ATAD2B: variants seen among roughly 807,000 people sequenced by gnomAD.
The protein encoded by ATAD2B is ATPase family AAA domain containing 2B.
In ATAD2B, 40 loss-of-function variants were observed where a neutral mutation model predicts 167.6. The ratio of observed to expected loss-of-function variants is 0.24; its 90% CI spans 0.19 to 0.31. ATAD2B has a LOEUF of 0.31. Among genes scored for constraint, ATAD2B ranks in the 10% least tolerant of loss-of-function variants. The probability of loss-of-function intolerance (pLI) is 1.00; values close to 1 mark genes in which losing one functional copy is unlikely to be tolerated. For synonymous variants in ATAD2B, 579 were observed against 596.5 expected, an observed-to-expected ratio of 0.97 and a Z score of 0.43; for missense variants, 1,242 against 1,757.2, an observed-to-expected ratio of 0.71 and a Z score of 5.24.
chr2:23,833,326 G>C (rs912476853), intron 14 of ATAD2B, among the ~76,000 whole-genome samples: 5 of 151,832 alleles, frequency 3.3e-5, no homozygotes. Context: ...AGTTTCTAAT[G>C]AAAAGCCAGT....
intron 13 of ATAD2B, among the ~76,000 whole-genome samples, chr2:23,836,558 T>C (rs566846414): frequency 6.6e-6 from 1 of 152,286 alleles, no homozygotes; most frequent in Non-Finnish European, 1.5e-5. Flanking sequence ...GAACAAGATA[T>C]GCAGACAAGT....
the ATAD2B span, among the ~76,000 whole-genome samples, chr2:23,729,690 A>G: frequency 1.3e-5 from 2 of 152,192 alleles, no homozygotes; most frequent in African/African-American, 2.4e-5. Flanking sequence ...AGAGGGGGAA[A>G]AAAGTAAAAT....
chr2:23,819,678 A>C, intron 17 of ATAD2B, 69 bp downstream of exon 17: 1 of 1,218,398 alleles, frequency 8.2e-7, no homozygotes, highest in Non-Finnish European at 1.1e-6. Context: ...GTAAAAATAT[A>C]CCATAATTCT....
At chr2:23,804,674 GAAA>G (rs556263378) in intron 18 of ATAD2B, among the ~76,000 whole-genome samples, 1 of 126,168 alleles carries the variant, frequency 7.9e-6, no homozygotes, top group Non-Finnish European at 1.7e-5. Flanking sequence ...AAAAAATCAG[GAAA>G]AAAAAAAAAA....
chr2:23,788,764 TC>T (rs1197079603), intron 19 of ATAD2B, 117 bp from the exon 20 acceptor site: 2 of 874,372 alleles, frequency 2.3e-6, no homozygotes, highest in Admixed American at 2.8e-5. Flanking sequence ...CATAGACCAT[TC>T]ACATGGGGTT....
the ATAD2B span, chr2:23,697,262 T>C: frequency 5.3e-5 from 8 of 152,232 alleles, no homozygotes; most frequent in African/African-American, 1.9e-4. Context: ...ACAAAATCCT[T>C]TTCCCTTGAG....
At chr2:23,802,433 A>G (rs906141306) in intron 18 of ATAD2B, among the ~76,000 whole-genome samples, 1 of 152,038 alleles carries the variant, frequency 6.6e-6, no homozygotes, top group African/African-American at 2.4e-5. Flanking sequence ...ATAAGGTACA[A>G]ATTTCTTTAC....
At chr2:23,910,938 T>C (rs917597358) in intron 1 of ATAD2B, among the ~76,000 whole-genome samples, 1 of 151,228 alleles carries the variant, frequency 6.6e-6, no homozygotes, top group Admixed American at 6.6e-5. Flanking sequence ...TAGTTAAAGG[T>C]AACATAGGCC....
At chr2:23,820,879 G>A (rs1189791203) in intron 16 of ATAD2B, among the ~76,000 whole-genome samples, 2 of 152,106 alleles carry the variant, frequency 1.3e-5, no homozygotes, top group African/African-American at 4.8e-5. Context: ...AACCCAGGAG[G>A]CGGAGCTTGC....
intron 25 of ATAD2B, among the ~76,000 whole-genome samples, chr2:23,756,681 C>G (rs1675989592): frequency 6.6e-6 from 1 of 152,066 alleles, no homozygotes; most frequent in Non-Finnish European, 1.5e-5. Flanking sequence ...TACTCTGATT[C>G]CCTGAGAACA....
intron 13 of ATAD2B, among the ~76,000 whole-genome samples, chr2:23,838,003 C>T (rs1333922034): frequency 6.6e-6 from 1 of 152,072 alleles, no homozygotes; most frequent in Non-Finnish European, 1.5e-5. Flanking sequence ...ATTTCTATTC[C>T]TTTACTCTTA....
chr2:23,733,504 A>G, the ATAD2B span, among the ~76,000 whole-genome samples: 1 of 152,220 alleles, frequency 6.6e-6, no homozygotes, highest in East Asian at 1.9e-4. Context: ...CATGGTTTGA[A>G]CAATCATTTA....
chr2:23,822,592 T>TA (rs1324628150), intron 16 of ATAD2B, among the ~76,000 whole-genome samples: 1 of 150,750 alleles, frequency 6.6e-6, no homozygotes, highest in African/African-American at 2.4e-5. Context: ...CTGCTCTATA[T>TA]AATCAGAGTG....
chr2:23,723,335 G>A, the ATAD2B span, among the ~76,000 whole-genome samples: 1 of 141,240 alleles, frequency 7.1e-6, no homozygotes, highest in Non-Finnish European at 1.5e-5. Context: ...AGAAGAAAAG[G>A]AAGGAAAGGA....
At chr2:23,817,341 T>C (rs933916148) in intron 17 of ATAD2B, among the ~76,000 whole-genome samples, 4 of 152,214 alleles carry the variant, frequency 2.6e-5, no homozygotes, top group African/African-American at 9.6e-5. Context: ...ATACCACAAA[T>C]GCAATATGAT....
chr2:23,769,179 G>A (rs1264514991), intron 22 of ATAD2B, among the ~76,000 whole-genome samples: 4 of 152,106 alleles, frequency 2.6e-5, no homozygotes, highest in Admixed American at 1.3e-4. Flanking sequence ...GGGGGCTCAC[G>A]CCTGTAATCC....
chr2:23,786,479 A>G (rs149688827), intron 20 of ATAD2B, among the ~76,000 whole-genome samples: 14 of 152,208 alleles, frequency 9.2e-5, no homozygotes, highest in Admixed American at 8.5e-4. Context: ...TATTGCTCCT[A>G]GGCTACAAAC....
At position 23,863,396 on chromosome 2, in the gene ATAD2B, C is replaced by T; in HGVS notation, c.1464G>A (p.Arg488=). 6.4e-7 allele frequency: 1 copy of T among 1,552,006 alleles called. No individual in the cohort carries two copies. The change falls in exon 12 of 28, where the codon AGG becomes AGA. Residue 488 remains arginine, a synonymous_variant. Coordinates refer to ENST00000238789, the MANE Select transcript of ATAD2B (RefSeq NM_017552.4). Reference sequence around the variant, plus strand: ...TTTCTCTTACCTGATCAAAAAGAAGCCTAAGTTGCCTTTCAGATTCACCAA... The same window carrying T: ...TTTCTCTTACCTGATCAAAAAGAAGTCTAAGTTGCCTTTCAGATTCACCAA... ...KWVGESERQL[R]LLFDQAYLMR...
intron 1 of ATAD2B, among the ~76,000 whole-genome samples, chr2:23,922,716 AG>A (rs201167361): frequency 4.0e-5 from 6 of 150,784 alleles, no homozygotes; most frequent in Non-Finnish European, 7.4e-5. Context: ...AAAAAAAAAA[AG>A]GGTCCTAACT....
Sources: gnomAD v4.1 joint callset for allele counts (sites outside exome capture counted in the v4.1 genomes callset) on GRCh38, gnomAD v4.1.1 for gene constraint, MANE v1.5 for transcripts, NCBI Gene and HGNC (gene_info 2026-07-23, HGNC 2026-07-21) for gene names.